LTBP4: variants seen among roughly 807,000 people sequenced by gnomAD.
LTBP4 encodes the protein latent-transforming growth factor beta-binding protein 4.
In LTBP4, 93 loss-of-function variants were observed where a neutral mutation model predicts 180.2. The ratio of observed to expected loss-of-function variants is 0.52; its 90% CI spans 0.44 to 0.61. The LOEUF is 0.61. LTBP4 is among the 20% of genes least tolerant of loss of function. The pLI is 0.00. For synonymous variants in LTBP4, 947 were observed against 934.5 expected (o/e 1.01, Z -0.24); for missense variants, 2,116 against 2,256.5 (o/e 0.94, Z 1.26).
rs1263609043 is a variant in LTBP4, at chr19:40,622,805, C to T, written c.3484+138C>T. ...GTCAGGGCAAGGGCGAGCTGCCAGG[C>T]AGGTGGGCATGGGCAGACATAAGGC... On this transcript the variant is annotated intron_variant, in intron 23 of 29. Coordinates refer to ENST00000396819, the MANE Select transcript of LTBP4 (RefSeq NM_001042545.2). This position sits in a 1 kb window ranked among gnomAD's most constrained non-coding sequence, Gnocchi z 5.1. 114 of 1,399,798 alleles carry T rather than the reference C, an allele frequency of 8.1e-5. No individual in the cohort carries two copies. Among genetic ancestry groups the T allele is most frequent in the Non-Finnish European group, 1.0e-4 (106 of 1,038,670 alleles). 86.7% of individuals were successfully genotyped at this position (1,399,798 alleles called of 1,614,324 possible). A position where few individuals can be genotyped will look rare whatever the true frequency, so the allele number is the denominator to read the frequency against.
chr19:40,613,640 C>A lies in LTBP4; in HGVS notation c.2557+111C>A. The A allele has an allele frequency of 6.6e-7, 1 of 1,506,120 alleles. No homozygotes were observed. Among genetic ancestry groups the A allele is most frequent in the Non-Finnish European group, 8.9e-7 (1 of 1,120,050 alleles). 93.3% of individuals were successfully genotyped at this position (1,506,120 alleles called of 1,614,324 possible). On this transcript the variant is annotated intron_variant, in intron 17 of 29. Coordinates refer to ENST00000396819, the MANE Select transcript of LTBP4 (RefSeq NM_001042545.2). This position sits in a 1 kb window ranked among gnomAD's most constrained non-coding sequence, Gnocchi z 5.0. ...AAAACGAGTTTTTAGCCGGGGTATT[C>A]CAGCAGGATCAGGGGGCAGCTGGTG...
chr19:40,600,249 C>A, upstream of LTBP4: 1 of 856,352 alleles, frequency 1.2e-6, no homozygotes, highest in Non-Finnish European at 1.6e-6. This position sits in a 1 kb window ranked among gnomAD's most constrained non-coding sequence, Gnocchi z 4.4. Flanking sequence ...CTGGTTCCCA[C>A]GGTCCAGCCG....
rs144310938 is a variant in LTBP4, at chr19:40,627,397, A to G, written c.4366+42A>G. ...CATGATGAGACTGAGATGAGGGGTG[A>G]GGTGTGCACGGAGAGAGGAGGGAGG... On this transcript the variant is annotated intron_variant, in intron 28 of 29. Transcript: ENST00000396819. 250 of 1,458,976 alleles carry G rather than the reference A, an allele frequency of 1.7e-4. 4 individuals carry two copies. In the East Asian group the frequency reaches 6.0e-3, roughly 35 times the overall value. The allele number at this position is 1,458,976 out of a possible 1,614,324, so 90.4% of individuals were successfully genotyped here.
Position 40,613,191 on chromosome 19 carries a change from G to C in LTBP4, c.2426G>C (p.Cys809Ser). 6.4e-7 allele frequency: 1 copy of C among 1,566,380 alleles called. No homozygotes were observed. The highest frequency in any genetic ancestry group is 8.7e-7 in the Non-Finnish European group (1 of 1,155,754). ...YRAPSGRPGPCADVNECLEGD... is the reference protein window; with the variant it reads ...YRAPSGRPGPSADVNECLEGD... ...GCGCCGTCGGGTCGGCCCGGGCCCT[G>C]CGCAGGTGAGCAGCATAGGGACCCG... Residue 809 changes from cysteine (C) to serine (S), a missense_variant, in exon 16 of 30, where the codon TGC (cysteine) becomes TCC (serine). Around this residue, in one of 5 missense-constraint regions of LTBP4, gnomAD observed 877 missense variants for 873.6 expected, o/e 1.00. Transcript: ENST00000396819. This position sits in a 1 kb window ranked among gnomAD's most constrained non-coding sequence, Gnocchi z 5.0.
At position 40,622,378 on chromosome 19, in the gene LTBP4, G is replaced by A. The variant is rs886616926; in HGVS notation, c.3218-23G>A. 3 of 1,485,674 alleles carry A rather than the reference G, an allele frequency of 2.0e-6. No individual in the cohort carries two copies. Among genetic ancestry groups the A allele is most frequent in the African/African-American group, 1.4e-5 (1 of 71,998 alleles). The allele number at this position is 1,485,674 out of a possible 1,614,324, so 92.0% of individuals were successfully genotyped here. A position where few individuals can be genotyped will look rare whatever the true frequency, so the allele number is the denominator to read the frequency against. On this transcript the variant is annotated intron_variant, in intron 22 of 29. Coordinates refer to ENST00000396819, the MANE Select transcript of LTBP4 (RefSeq NM_001042545.2). The surrounding 1 kb of genome is among the most constrained non-coding windows in gnomAD (Gnocchi z 5.1). ...GGGCTGGGGATTCAGCCCACACTGG[G>A]CTAAAGCTCCTTGTCTCCCCAGGCA...
At position 40,629,735 on chromosome 19, in the gene LTBP4, C is replaced by T. The variant is rs2081665406; in HGVS notation, c.*185C>T. ...CTCCACCAGCGCCTCCCACTGATGT[C>T]GTGGTCCCGGGCCTGGCCCAGGGGC... On this transcript the variant is annotated 3_prime_UTR_variant, in exon 30 of 30. Coordinates refer to ENST00000396819, the MANE Select transcript of LTBP4 (RefSeq NM_001042545.2). This position sits in a 1 kb window ranked among gnomAD's most constrained non-coding sequence, Gnocchi z 4.5. 3.8e-6 allele frequency: 2 copies of T among 521,342 alleles called. No individual in the cohort carries two copies. The highest frequency in any genetic ancestry group is 4.2e-5 in the East Asian group (1 of 24,052). The allele number at this position is 521,342 out of a possible 1,614,324, so 32.3% of individuals were successfully genotyped here.
chr19:40,595,850 C>T (rs761869879), intron 1 of LTBP4, among the ~76,000 whole-genome samples: 3 of 151,564 alleles, frequency 2.0e-5, no homozygotes, highest in Non-Finnish European at 4.4e-5. Flanking sequence ...CCTACCTCAT[C>T]CTCCCGAGTA....
Position 40,606,292 on chromosome 19 carries a change from A to T in LTBP4, c.853A>T (p.Asn285Tyr), listed in dbSNP as rs1184228628. 1 of 1,601,874 alleles carries T rather than the reference A, an allele frequency of 6.2e-7. No homozygotes were observed. The highest frequency in any genetic ancestry group is 8.5e-7 in the Non-Finnish European group (1 of 1,174,338). Residue 285 changes from asparagine to tyrosine, a missense_variant, in exon 5 of 30, where the codon AAT (asparagine) becomes TAT (tyrosine). Coordinates refer to ENST00000396819, the MANE Select transcript of LTBP4 (RefSeq NM_001042545.2). Reference sequence around the variant, plus strand: ...TTGTCCAACCGGCTTTGAAAGAGTTAATGGGTCCTGCGAAGGTGCAACGGG... The same window carrying T: ...TTGTCCAACCGGCTTTGAAAGAGTTTATGGGTCCTGCGAAGGTGCAACGGG... The part of the protein sequence containing the change: ...GPCPTGFERV[N>Y]GSCEDVDECA...
chr19:40,604,973 G>A (rs2081447831), intron 1 of LTBP4, 62 bp from the exon 2 acceptor site: 1 of 1,465,996 alleles, frequency 6.8e-7, no homozygotes, highest in African/African-American at 1.4e-5. Context: ...TGAGGGAGTA[G>A]GGACCCCAGG....
rs540264614 is a variant in LTBP4, at chr19:40,612,077, G to A, written c.2184G>A (p.Val728=). The change falls in exon 15 of 30, where the codon GTG becomes GTA. Residue 728 remains valine (V), a synonymous_variant. Transcript: ENST00000396819. ...PNTAGSECED[V]DECENHLACP... ...ACCCTCTCCCCTGCCCCCCAGATGTGGATGAGTGTGAGAACCACCTCGCAT... is the reference window on the plus strand; with the variant it reads ...ACCCTCTCCCCTGCCCCCCAGATGTAGATGAGTGTGAGAACCACCTCGCAT... The A allele has an allele frequency of 6.9e-5, 112 of 1,613,352 alleles. No individual in the cohort carries two copies. Among genetic ancestry groups the A allele is most frequent in the Non-Finnish European group, 8.9e-5 (105 of 1,179,734 alleles).
Position 40,609,563 on chromosome 19 carries a change from A to G in LTBP4, c.1460A>G (p.Gln487Arg), listed in dbSNP as rs572770270. 6.8e-6 allele frequency: 11 copies of G among 1,613,412 alleles called. No homozygotes were observed. In the East Asian group the frequency reaches 2.2e-4, roughly 33 times the overall value. ...TCCGGCATGTGTCAGCGCAACCCCC[A>G]GGTCTGCGGCCCAGGACGCTGCATT... ...PSSGMCQRNP[Q>R]VCGPGRCISR... is the part of the protein sequence containing the mutation. Residue 487 changes from glutamine (Q) to arginine (R), a missense_variant, in exon 10 of 30, where the codon CAG (glutamine) becomes CGG (arginine). Physicochemically the swap from Gln to Arg is conservative, Grantham distance 43. Around this residue, in one of 5 missense-constraint regions of LTBP4, gnomAD observed 877 missense variants for 873.6 expected, o/e 1.00. Coordinates refer to ENST00000396819, the MANE Select transcript of LTBP4 (RefSeq NM_001042545.2). The surrounding 1 kb of genome is among the most constrained non-coding windows in gnomAD (Gnocchi z 4.9).
chr19:40,600,267 C>T, upstream of LTBP4: 1 of 604,174 alleles, frequency 1.7e-6, no homozygotes, highest in Non-Finnish European at 2.5e-6. The surrounding 1 kb of genome is among the most constrained non-coding windows in gnomAD (Gnocchi z 4.4). Flanking sequence ...CCGCCGCCTA[C>T]CCGCCCCCCG....
At chr19:40,593,879 T>C (rs892542577) in intron 1 of LTBP4, among the ~76,000 whole-genome samples, 1 of 152,114 alleles carries the variant, frequency 6.6e-6, no homozygotes, top group African/African-American at 2.4e-5. Context: ...CCTCAACCTC[T>C]GCCTCCCGGG....
chr19:40,608,612 G>A lies in LTBP4; in HGVS notation c.1426+9G>A. 1 of 1,576,128 alleles carries A rather than the reference G, an allele frequency of 6.3e-7. No homozygotes were observed. Among genetic ancestry groups the A allele is most frequent in the Non-Finnish European group, 8.6e-7 (1 of 1,161,560 alleles). On this transcript the variant is annotated intron_variant, in intron 9 of 29. Coordinates refer to ENST00000396819, the MANE Select transcript of LTBP4 (RefSeq NM_001042545.2). Reference sequence around the variant, plus strand: ...TGAGATTCCTGAATCAGGTTTGCTAGAAAGAACTGAGGGCATTGGGCCTGC... The same window carrying A: ...TGAGATTCCTGAATCAGGTTTGCTAAAAAGAACTGAGGGCATTGGGCCTGC...
At position 40,627,118 on chromosome 19, in the gene LTBP4, C is replaced by A. The variant is rs1331356173; in HGVS notation, c.4129C>A (p.Pro1377Thr). Residue 1377 changes from proline (P) to threonine (T), a missense_variant, in exon 28 of 30, where the codon CCA (proline) becomes ACA (threonine). Physicochemically the swap from Pro to Thr is conservative, Grantham distance 38. Around this residue, in one of 5 missense-constraint regions of LTBP4, gnomAD observed 488 missense variants for 458.8 expected, o/e 1.06. Transcript: ENST00000396819. ...GLPYGPELYP[P>T]PALPYDPYPP... Reference sequence around the variant, plus strand: ...CCCATATGGGCCTGAGTTGTACCCACCACCTGCGCTACCCTACGACCCCTA... The same window carrying A: ...CCCATATGGGCCTGAGTTGTACCCAACACCTGCGCTACCCTACGACCCCTA... 1.2e-6 allele frequency: 2 copies of A among 1,613,856 alleles called. No individual in the cohort carries two copies. Among genetic ancestry groups the A allele is most frequent in the Non-Finnish European group, 1.7e-6 (2 of 1,179,880 alleles).
chr19:40,610,730 G>C, intron 12 of LTBP4, 73 bp downstream of exon 12: 1 of 1,504,704 alleles, frequency 6.6e-7, no homozygotes, highest in South Asian at 1.3e-5. Context: ...GGGCCAGAGA[G>C]ACTGAACAAT....
chr19:40,604,920 C>T (rs942194689), intron 1 of LTBP4, 115 bp from the exon 2 acceptor site: 15 of 926,152 alleles, frequency 1.6e-5, no homozygotes, highest in East Asian at 8.0e-5. Flanking sequence ...GGCGGGGCCA[C>T]ATGACAGCTA....
rs190508787 is a variant in LTBP4 at position 40,619,535 on chromosome 19, A to T, written c.3217+42A>T. The T allele has an allele frequency of 2.6e-5, 41 of 1,556,896 alleles. No individual in the cohort carries two copies. In the African/African-American group the frequency reaches 5.4e-4, roughly 21 times the overall value. On this transcript the variant is annotated intron_variant, in intron 22 of 29. Coordinates refer to ENST00000396819, the MANE Select transcript of LTBP4 (RefSeq NM_001042545.2). ...TATTTAACTGATGGCGGCTGGCCCCATGGGAAAATCACGTGGTCTAATCAT... is the reference window on the plus strand; with the variant it reads ...TATTTAACTGATGGCGGCTGGCCCCTTGGGAAAATCACGTGGTCTAATCAT...
chr19:40,623,718 G>T lies in LTBP4; in HGVS notation c.3671G>T (p.Arg1224Leu). The T allele has an allele frequency of 6.2e-7, 1 of 1,613,822 alleles. No homozygotes were observed. The highest frequency in any genetic ancestry group is 2.2e-5 in the East Asian group (1 of 44,868). Residue 1224 changes from arginine to leucine, a missense_variant, in exon 25 of 30, where the codon CGG becomes CTG. This residue lies in a region of LTBP4 where 278 missense variants were observed against 373.0 expected (regional missense o/e 0.75). Coordinates refer to ENST00000396819, the MANE Select transcript of LTBP4 (RefSeq NM_001042545.2). ...CSNGYYYHTQ[R>L]LECIDNDECA... ...AACGGCTACTACTACCACACACAGC[G>T]GCTGGAGTGCATCGGTACAAGCCCC...
Sources: allele counts gnomAD v4.1 joint callset (sites outside exome capture counted in the v4.1 genomes callset), GRCh38; gene constraint gnomAD v4.1.1; regional missense constraint gnomAD v4.1.1; non-coding constraint Gnocchi (gnomAD v3.1); transcripts MANE v1.5; gene names NCBI Gene and HGNC (gene_info 2026-07-23, HGNC 2026-07-21).